The following MOV10L1 variants were observed in gnomAD, a reference collection of about 807,000 sequenced individuals.
The protein encoded by MOV10L1 is RNA helicase Mov10l1.
Under a neutral mutation model 143.8 loss-of-function variants are expected in MOV10L1, and 110 were observed. The observed-to-expected ratio is 0.76, with a 90% CI of 0.66 to 0.90. The LOEUF is 0.90. Ranked by LOEUF, MOV10L1 falls within the 40% of genes least tolerant of loss-of-function variation. The pLI, the probability that MOV10L1 is intolerant of heterozygous loss-of-function variation, is 0.00. For synonymous variants in MOV10L1, 593 were observed against 581.1 expected, an observed-to-expected ratio of 1.02 and a Z score of -0.29; for missense variants, 1,406 against 1,526.8, an observed-to-expected ratio of 0.92 and a Z score of 1.32.
rs754535904 is a variant in MOV10L1, at chr22:50,159,669, G to C, written c.3217-9G>C. The C allele has an allele frequency of 6.4e-7, 1 of 1,558,276 alleles. No homozygotes were observed. Among genetic ancestry groups the C allele is most frequent in the Admixed American group, 1.7e-5 (1 of 59,192 alleles). Reference sequence around the variant, plus strand: ...TTATCTTTAGTCTTTCTTTTAATCTGTTCTCAAGGTGGAGAAAATCAGAAT... The same window carrying C: ...TTATCTTTAGTCTTTCTTTTAATCTCTTCTCAAGGTGGAGAAAATCAGAAT... On this transcript the variant is annotated splice_polypyrimidine_tract_variant and intron_variant, in intron 23 of 26. Coordinates refer to ENST00000262794, the MANE Select transcript of MOV10L1 (RefSeq NM_018995.3). This position sits in a 1 kb window ranked among gnomAD's most constrained non-coding sequence, Gnocchi z 4.1.
chr22:50,144,011 C>T (rs982497406), intron 17 of MOV10L1, 86 bp from the exon 18 acceptor site: 75 of 1,522,442 alleles, frequency 4.9e-5, no homozygotes, highest in Admixed American at 1.6e-4. Context: ...TCCCTGCACC[C>T]GAATGTGTGT....
rs1178913663 is a variant in MOV10L1 at position 50,158,313 on chromosome 22, G to C, written c.3216+107G>C. 3 of 1,383,394 alleles carry C rather than the reference G, an allele frequency of 2.2e-6. No individual in the cohort carries two copies. Among genetic ancestry groups the C allele is most frequent in the Non-Finnish European group, 3.0e-6 (3 of 1,012,824 alleles). 85.7% of individuals were successfully genotyped at this position (1,383,394 alleles called of 1,614,324 possible). ...AACAAGCTCCTTGTGAGCAGCAGCA[G>C]GTTTTTAAAGGGGCAGGACCGCACT... On this transcript the variant is annotated intron_variant, in intron 23 of 26. Transcript: ENST00000262794. This position sits in a 1 kb window ranked among gnomAD's most constrained non-coding sequence, Gnocchi z 5.0.
In MOV10L1 at chr22:50,160,761, A is replaced by C. The variant is rs755129454; in HGVS notation, c.3398A>C (p.Asn1133Thr). The change falls in exon 25 of 27, where the codon AAT becomes ACT. Residue 1133 changes from asparagine to threonine, a missense_variant. Asn to Thr is a moderately conservative substitution (Grantham distance 65). Transcript: ENST00000262794. ...LGFLSNSKRF[N>T]VAITRPKALL... ...TTCTTGTCCAACTCAAAAAGATTTA[A>C]TGTTGCAATCACCAGACCCAAAGCT... 1.9e-6 allele frequency: 3 copies of C among 1,614,126 alleles called. No homozygotes were observed. The highest frequency in any genetic ancestry group is 4.5e-5 in the East Asian group (2 of 44,890).
rs763939565 is a variant in MOV10L1, at chr22:50,099,544, G to A, written c.384G>A (p.Val128=). The A allele has an allele frequency of 2.1e-5, 34 of 1,614,108 alleles. No individual in the cohort carries two copies. The highest frequency in any genetic ancestry group is 2.8e-5 in the Non-Finnish European group (33 of 1,180,050). The change falls in exon 3 of 27, where the codon GTG becomes GTA. Residue 128 remains valine (V), a synonymous_variant. Coordinates refer to ENST00000262794, the MANE Select transcript of MOV10L1 (RefSeq NM_018995.3). ...RVLIGCVTSL[V]EGAGCISQTT... The stretch of plus-strand genomic sequence containing the variant: ...TGATTGGCTGTGTGACTTCCCTGGT[G>A]GAGGGCGCAGGCTGTATCAGTCAGA...
Position 50,114,491 on chromosome 22 carries a change from T to C in MOV10L1, c.995T>C (p.Val332Ala). The C allele has an allele frequency of 6.2e-7, 1 of 1,614,252 alleles. No individual in the cohort carries two copies. Among genetic ancestry groups the C allele is most frequent in the Non-Finnish European group, 8.5e-7 (1 of 1,180,042 alleles). ...MLDKDQMCPV[V>A]SFVSVPEKEN... ...GATAAAGACCAGATGTGCCCCGTGG[T>C]ATCTTTTGTTTCTGTTCCTGAGAAG... Residue 332 changes from valine to alanine, a missense_variant, in exon 7 of 27, where the codon GTA (valine) becomes GCA (alanine). Transcript: ENST00000262794.
Position 50,099,317 on chromosome 22 carries a change from C to T in MOV10L1, c.283-126C>T, listed in dbSNP as rs75791883. ...CCAGGAAGAAGGCCCTCACCAGACC[C>T]GGAATCTGCCAGGGCCTTGATCTTG... On this transcript the variant is annotated intron_variant, in intron 2 of 26. Transcript: ENST00000262794. The T allele has an allele frequency of 1.3e-3, 1,493 of 1,155,600 alleles. 13 individuals carry two copies. In the African/African-American group the frequency reaches 0.019, roughly 15 times the overall value. 71.6% of individuals were successfully genotyped at this position (1,155,600 alleles called of 1,614,324 possible).
intron 2 of MOV10L1, chr22:50,095,968 A>C (rs1569266467): frequency 6.6e-6 from 1 of 152,156 alleles, no homozygotes; most frequent in Non-Finnish European, 1.5e-5. Context: ...AGCCGTTCTC[A>C]CTTGATGGGA....
At chr22:50,150,996 T>A in intron 21 of MOV10L1, 97 bp downstream of exon 21, 1 of 1,488,756 alleles carries the variant, frequency 6.7e-7, no homozygotes, top group Non-Finnish European at 9.1e-7. Flanking sequence ...CTGAGTCATC[T>A]CCATCCGTGG....
intron 15 of MOV10L1, among the ~76,000 whole-genome samples, chr22:50,136,482 GAAC>G (rs1466319560): frequency 6.6e-6 from 1 of 152,192 alleles, no homozygotes; most frequent in East Asian, 1.9e-4. Context: ...AAACTATATG[GAAC>G]AACAATTTCA....
At chr22:50,123,638 G>A (rs1185652929) in intron 10 of MOV10L1, among the ~76,000 whole-genome samples, 1 of 152,320 alleles carries the variant, frequency 6.6e-6, no homozygotes, top group East Asian at 1.9e-4. Flanking sequence ...GTCTCTGTCT[G>A]GCTTTGGGAT....
intron 22 of MOV10L1, among the ~76,000 whole-genome samples, chr22:50,155,787 T>G (rs548894856): frequency 2.8e-4 from 42 of 152,262 alleles, no homozygotes; most frequent in African/African-American, 9.1e-4. Flanking sequence ...TGGTCACTTT[T>G]TTAAATTCTA....
chr22:50,107,514 T>C (rs1260674040), intron 3 of MOV10L1, among the ~76,000 whole-genome samples: 1 of 151,568 alleles, frequency 6.6e-6, no homozygotes, highest in Non-Finnish European at 1.5e-5. Flanking sequence ...GCTTCCAGAG[T>C]GCTTATTGCA....
chr22:50,103,155 A>G (rs1215196399), intron 3 of MOV10L1, among the ~76,000 whole-genome samples: 1 of 152,204 alleles, frequency 6.6e-6, no homozygotes, highest in Admixed American at 6.5e-5. Context: ...GCAGAGGGGA[A>G]CACGTGGTTG....
rs530913307 is a variant in MOV10L1, at chr22:50,130,045, G to A, written c.1910+1538G>A. Among the ~76,000 whole-genome samples the A allele has an allele frequency of 3.3e-5, 5 of 152,166 alleles. No homozygotes were observed. In the South Asian group the frequency reaches 1.0e-3, roughly 31 times the overall value. ...ATCCCTAACACTTTGGGAGGCCAAG[G>A]CAGGTGGATCTCTTGAGGTCAGGAG... On this transcript the variant is annotated intron_variant, in intron 13 of 26. Transcript: ENST00000262794.
chr22:50,142,398 T>C (rs906543115), intron 16 of MOV10L1, among the ~76,000 whole-genome samples: 65 of 152,208 alleles, frequency 4.3e-4, no homozygotes, highest in African/African-American at 1.4e-3. Flanking sequence ...GTTGTTTTTT[T>C]CCAGGTACTC....
rs2062770341 is a variant in MOV10L1, at chr22:50,134,645, T to C, written c.2070+15T>C. 1.2e-6 allele frequency: 2 copies of C among 1,611,588 alleles called. No homozygotes were observed. The highest frequency in any genetic ancestry group is 2.2e-5 in the East Asian group (1 of 44,864). On this transcript the variant is annotated intron_variant, in intron 15 of 26. Transcript: ENST00000262794. ...CCAGCAAAAAGGTAGTGCTCAGCAA[T>C]GTGGCTTTCTCTACACAGGGGATGG...
chr22:50,110,072 C>T (rs944839832), intron 5 of MOV10L1, among the ~76,000 whole-genome samples: 1 of 152,010 alleles, frequency 6.6e-6, no homozygotes, highest in South Asian at 2.1e-4. Flanking sequence ...TCACTTGAAC[C>T]CAAGAGGCAG....
intron 17 of MOV10L1, 79 bp downstream of exon 17, chr22:50,143,300 T>C (rs2063043392): frequency 6.8e-7 from 1 of 1,466,344 alleles, no homozygotes; most frequent in Non-Finnish European, 9.5e-7. Flanking sequence ...AAGTGTGAGT[T>C]TAGATTGTAG....
chr22:50,149,526 G>C, intron 19 of MOV10L1, 89 bp from the exon 20 acceptor site: 4 of 1,304,092 alleles, frequency 3.1e-6, no homozygotes, highest in Non-Finnish European at 3.2e-6. Flanking sequence ...TGCCCCCGGG[G>C]TGCTGAGCGT....
Sources: allele counts gnomAD v4.1 joint callset (sites outside exome capture counted in the v4.1 genomes callset), GRCh38; gene constraint gnomAD v4.1.1; non-coding constraint Gnocchi (gnomAD v3.1); transcripts MANE v1.5; gene names NCBI Gene and HGNC (gene_info 2026-07-23, HGNC 2026-07-21).